NCR2: variants seen among roughly 807,000 people sequenced by gnomAD.
The protein encoded by NCR2 is NK cell activating receptor (NKp44).
In NCR2, 35 loss-of-function variants were observed where a neutral mutation model predicts 30.7. The observed-to-expected ratio is 1.14, with a 90% CI of 0.87 to 1.51. The LOEUF is 1.51. Among genes scored for constraint, NCR2 ranks in the 40% most tolerant of loss-of-function variants. NCR2 has a pLI of 0.00. For missense variants in NCR2, 316 were observed against 328.9 expected (o/e 0.96, Z 0.30); for synonymous variants, 146 against 134.8 (o/e 1.08, Z -0.58).
chr6:41,338,175 A>G (rs1233411624), intron 2 of NCR2, among the ~76,000 whole-genome samples: 1 of 152,208 alleles, frequency 6.6e-6, no homozygotes, highest in Non-Finnish European at 1.5e-5. Flanking sequence ...TGATGGTACA[A>G]TTCACATTTG....
intron 4 of NCR2, among the ~76,000 whole-genome samples, chr6:41,346,454 C>A (rs551915197): frequency 6.6e-6 from 1 of 152,266 alleles, no homozygotes; most frequent in South Asian, 2.1e-4. Flanking sequence ...CGCCCCTTTC[C>A]GCCATCTCAC....
At position 41,336,181 on chromosome 6, in the gene NCR2, C is replaced by T. The variant is rs150293300; in HGVS notation, c.147C>T (p.Tyr49=). Residue 49 remains tyrosine, a synonymous_variant, in exon 2 of 5, where the codon TAC becomes TAT. Transcript: ENST00000373089. ...AGTACCCGCCCACGGGCAGTCTCTA[C>T]GAGAAGAAAGGCTGGTGTAAGGAGG... ...RCQYPPTGSL[Y]EKKGWCKEAS... The T allele has an allele frequency of 1.5e-5, 25 of 1,614,044 alleles. No homozygotes were observed. Among genetic ancestry groups the T allele is most frequent in the Middle Eastern group, 1.6e-4 (1 of 6,084 alleles).
intron 2 of NCR2, among the ~76,000 whole-genome samples, chr6:41,336,884 T>A (rs1458568987): frequency 6.8e-6 from 1 of 147,844 alleles, no homozygotes; most frequent in Non-Finnish European, 1.5e-5. Flanking sequence ...TAAGAATGAG[T>A]GAAAAAAAAT....
chr6:41,341,133 G>A lies in NCR2; in HGVS notation c.395-661G>A, dbSNP rs560770426. Among the ~76,000 whole-genome samples the A allele has an allele frequency of 1.2e-4, 18 of 152,026 alleles. No individual in the cohort carries two copies. The East Asian group carries it at 2.5e-3, about 21-fold the overall frequency. On this transcript the variant is annotated intron_variant, in intron 2 of 4. Coordinates refer to ENST00000373089, the MANE Select transcript of NCR2 (RefSeq NM_004828.4). ...CTTTTCCTTCGCCACCCCACCACCC[G>A]CCAACAGCCAATGCCTTTTCGACCT...
In NCR2 at chr6:41,335,740, C is replaced by T. The variant is rs1769001592; in HGVS notation, c.-137C>T. ...TCTGCCCTTTGCAGTCTCCCATCTC[C>T]CCAACCCAGGCCTCAGCCTGTCTCA... On this transcript the variant is annotated 5_prime_UTR_variant, in exon 1 of 5. Transcript: ENST00000373089. 4.0e-6 allele frequency: 4 copies of T among 998,078 alleles called. No homozygotes were observed. The highest frequency in any genetic ancestry group is 1.5e-6 in the Non-Finnish European group (1 of 647,350). The allele number at this position is 998,078 out of a possible 1,614,324, so 61.8% of individuals were successfully genotyped here.
In NCR2 at chr6:41,335,734, C is replaced by T; in HGVS notation, c.-143C>T. The stretch of plus-strand genomic sequence containing the variant: ...ACAGAATCTGCCCTTTGCAGTCTCC[C>T]ATCTCCCCAACCCAGGCCTCAGCCT... On this transcript the variant is annotated 5_prime_UTR_variant, in exon 1 of 5. Coordinates refer to ENST00000373089, the MANE Select transcript of NCR2 (RefSeq NM_004828.4). 1 of 912,214 alleles carries T rather than the reference C, an allele frequency of 1.1e-6. No homozygotes were observed. The highest frequency in any genetic ancestry group is 1.8e-6 in the Non-Finnish European group (1 of 571,210). 56.5% of individuals were successfully genotyped at this position (912,214 alleles called of 1,614,324 possible).
chr6:41,341,813 C>T lies in NCR2; in HGVS notation c.414C>T (p.Thr138=), dbSNP rs760431967. 8.1e-6 allele frequency: 13 copies of T among 1,612,024 alleles called. No individual in the cohort carries two copies. The African/African-American group carries it at 1.6e-4, about 20-fold the overall frequency. Reference sequence around the variant, plus strand: ...TGGCAGCCTCTGCCTCCACACAGACCTCCTGGACTCCCCGCGACCTGGTCT... The same window carrying T: ...TGGCAGCCTCTGCCTCCACACAGACTTCCTGGACTCCCCGCGACCTGGTCT... ...VVSPASASTQ[T]SWTPRDLVSS... The change falls in exon 3 of 5, where the codon ACC becomes ACT. Residue 138 remains threonine, a synonymous_variant. Coordinates refer to ENST00000373089, the MANE Select transcript of NCR2 (RefSeq NM_004828.4).
At chr6:41,342,317 G>A (rs118025435) in intron 4 of NCR2, among the ~76,000 whole-genome samples, 168 bp downstream of exon 4, 1 of 152,212 alleles carries the variant, frequency 6.6e-6, no homozygotes, top group East Asian at 1.9e-4. Flanking sequence ...ATGTCACACA[G>A]GCTCACCTTT....
chr6:41,336,386 T>A lies in NCR2; in HGVS notation c.352T>A (p.Ser118Thr). The A allele has an allele frequency of 6.2e-7, 1 of 1,613,978 alleles. No homozygotes were observed. The highest frequency in any genetic ancestry group is 8.5e-7 in the Non-Finnish European group (1 of 1,179,992). Residue 118 changes from serine to threonine, a missense_variant, in exon 2 of 5, where the codon TCT (serine) becomes ACT (threonine). By Grantham distance (58) the Ser-to-Thr change is moderately conservative (BLOSUM62 1). Coordinates refer to ENST00000373089, the MANE Select transcript of NCR2 (RefSeq NM_004828.4). ...WCRIYRPSDN[S>T]VSKSVRFYLV... ...TAGAATCTACCGCCCTTCTGACAACTCTGTCTCTAAGTCCGTCAGATTCTA... is the reference window on the plus strand; with the variant it reads ...TAGAATCTACCGCCCTTCTGACAACACTGTCTCTAAGTCCGTCAGATTCTA...
chr6:41,345,957 A>G (rs1274125476), intron 4 of NCR2, among the ~76,000 whole-genome samples: 4 of 151,962 alleles, frequency 2.6e-5, no homozygotes, highest in Non-Finnish European at 5.9e-5. Flanking sequence ...CCTTTGCCTC[A>G]TGCTCCTGAG....
At chr6:41,340,043 T>G (rs1472363559) in intron 2 of NCR2, among the ~76,000 whole-genome samples, 2 of 152,146 alleles carry the variant, frequency 1.3e-5, no homozygotes, top group Non-Finnish European at 2.9e-5. Flanking sequence ...CTAAATTTTG[T>G]TTAAAAAAAG....
In NCR2 at chr6:41,350,799, GAA is replaced by G. The variant is rs1338217666; in HGVS notation, c.768_769del (p.Glu256AspfsTer10). The stretch of plus-strand genomic sequence containing the variant: ...CTCAGTTTCCTCACCTGTAGAGAGA[GAA>G]ATATTATATCACACTGTTGCAAGGA... Reference protein sequence around the residue: ...WTSVSSPVEREILYHTVARTK... With the variant: ...WTSVSSPVERXILYHTVARTK... On this transcript the variant is annotated frameshift_variant, in exon 5 of 5. Coordinates refer to ENST00000373089, the MANE Select transcript of NCR2 (RefSeq NM_004828.4). LOFTEE classifies it high-confidence loss of function. The G allele has an allele frequency of 3.1e-6, 4 of 1,281,340 alleles. No homozygotes were observed. Among genetic ancestry groups the G allele is most frequent in the Admixed American group, 3.4e-5 (2 of 59,556 alleles). 79.4% of individuals were successfully genotyped at this position (1,281,340 alleles called of 1,614,324 possible).
chr6:41,335,979 CT>C (rs1465453278), intron 1 of NCR2, 51 bp downstream of exon 1: 1 of 1,579,574 alleles, frequency 6.3e-7, no homozygotes, highest in East Asian at 2.3e-5. Flanking sequence ...GTGGTGGGGA[CT>C]GTCAGGACAG....
intron 4 of NCR2, among the ~76,000 whole-genome samples, chr6:41,342,376 CTG>C (rs750882366): frequency 1.7e-4 from 26 of 152,196 alleles, no homozygotes; most frequent in Non-Finnish European, 3.5e-4. Flanking sequence ...TTCTCTGTCT[CTG>C]TGTTTTCTCC....
chr6:41,335,801 C>A lies in NCR2; in HGVS notation c.-76C>A. ...AGACGTGCTGGAAGAGCAGCAGAAT[C>A]AGGCCCAGCTCCCAATTCCCTCTCC... On this transcript the variant is annotated 5_prime_UTR_variant, in exon 1 of 5. Transcript: ENST00000373089. 6.9e-7 allele frequency: 1 copy of A among 1,455,544 alleles called. No homozygotes were observed. Among genetic ancestry groups the A allele is most frequent in the South Asian group, 1.2e-5 (1 of 81,932 alleles). The allele number at this position is 1,455,544 out of a possible 1,614,324, so 90.2% of individuals were successfully genotyped here. A position where few individuals can be genotyped will look rare whatever the true frequency, so the allele number is the denominator to read the frequency against.
At chr6:41,345,482 G>A (rs142417251) in intron 4 of NCR2, among the ~76,000 whole-genome samples, 3 of 152,140 alleles carry the variant, frequency 2.0e-5, no homozygotes, top group Non-Finnish European at 4.4e-5. Flanking sequence ...GCAAGAGTGA[G>A]GAGGGACCCC....
intron 4 of NCR2, among the ~76,000 whole-genome samples, chr6:41,345,892 G>A (rs80355150): frequency 0.015 from 2,293 of 152,222 alleles, 36 homozygotes; most frequent in African/African-American, 0.037. Flanking sequence ...CCTGTTCTCC[G>A]AGGACAATGC....
intron 4 of NCR2, among the ~76,000 whole-genome samples, chr6:41,349,109 A>G (rs908743410): frequency 1.4e-5 from 2 of 146,052 alleles, no homozygotes; most frequent in African/African-American, 4.9e-5. Context: ...TTATATTTTT[A>G]TTTTTTATAT....
chr6:41,337,713 T>C (rs1453602075), intron 2 of NCR2, among the ~76,000 whole-genome samples: 1 of 152,172 alleles, frequency 6.6e-6, no homozygotes, highest in Non-Finnish European at 1.5e-5. Context: ...TTAAAGCAAT[T>C]CCGACAAGCT....
Sources: gnomAD v4.1 joint callset for allele counts (sites outside exome capture counted in the v4.1 genomes callset) on GRCh38, gnomAD v4.1.1 for gene constraint, MANE v1.5 for transcripts, NCBI Gene and HGNC (gene_info 2026-07-23, HGNC 2026-07-21) for gene names.